The following GLI2 variants were observed in gnomAD, a reference collection of about 807,000 sequenced individuals.
The protein encoded by GLI2 is GLI family zinc finger 2.
Under a neutral mutation model 78.9 loss-of-function variants are expected in GLI2, and 22 were observed. That is an observed-to-expected ratio of 0.28 (90% CI 0.20 to 0.40). The LOEUF is 0.40. GLI2 is among the 10% of genes least tolerant of loss of function. The probability of loss-of-function intolerance (pLI) is 1.00; values close to 1 mark genes in which losing one functional copy is unlikely to be tolerated. For missense variants in GLI2, 2,097 were observed against 2,213.2 expected (o/e 0.95, Z 1.05); for synonymous variants, 974 against 963.7 (o/e 1.01, Z -0.20).
At position 120,953,746 on chromosome 2, in the gene GLI2, G is replaced by A. The variant is rs1007011231; in HGVS notation, c.458-1499G>A. On this transcript the variant is annotated intron_variant, in intron 4 of 13. Transcript: ENST00000361492. Reference sequence around the variant, plus strand: ...GGCTCATGCCTGTAATTGGATTTTCGGAGGCCAGGTGGGAGGATCGCTTGA... The same window carrying A: ...GGCTCATGCCTGTAATTGGATTTTCAGAGGCCAGGTGGGAGGATCGCTTGA... 1.0e-3 allele frequency among the ~76,000 whole-genome samples: 154 copies of A among 152,264 alleles called. 1 individual carries two copies. Among genetic ancestry groups the A allele is most frequent in the Non-Finnish European group, 3.8e-4 (26 of 68,016 alleles).
intron 5 of GLI2, among the ~76,000 whole-genome samples, chr2:120,968,261 G>A (rs935294790): frequency 6.6e-5 from 10 of 152,220 alleles, no homozygotes; most frequent in African/African-American, 2.4e-4. Context: ...CCCTTGGGCT[G>A]GAAGATGGAG....
At chr2:120,981,244 C>T (rs280194) in intron 10 of GLI2, among the ~76,000 whole-genome samples, 99,610 of 152,070 alleles carry the variant, frequency 0.66, 33,303 homozygotes, top group Non-Finnish European at 0.74. Context: ...CATGTGATTA[C>T]GCAGTTGTCT....
chr2:120,809,597 G>A (rs767429436), intron 2 of GLI2, among the ~76,000 whole-genome samples: 1 of 152,124 alleles, frequency 6.6e-6, no homozygotes, highest in Non-Finnish European at 1.5e-5. Context: ...AGGAAGTGCG[G>A]GGGAGGGAGG....
intron 3 of GLI2, among the ~76,000 whole-genome samples, chr2:120,937,600 C>T (rs1573634081): frequency 6.6e-6 from 1 of 152,204 alleles, no homozygotes; most frequent in Admixed American, 6.5e-5. Flanking sequence ...CCAACCCCAC[C>T]CACTGGGGGC....
intron 2 of GLI2, among the ~76,000 whole-genome samples, chr2:120,803,148 A>G (rs1684780269): frequency 6.6e-6 from 1 of 152,230 alleles, no homozygotes; most frequent in Non-Finnish European, 1.5e-5. Context: ...CACTTCCTGG[A>G]TAGTAGCTGT....
intron 1 of GLI2, among the ~76,000 whole-genome samples, chr2:120,738,196 C>T (rs947894117): frequency 6.6e-6 from 1 of 152,204 alleles, no homozygotes; most frequent in Non-Finnish European, 1.5e-5. Flanking sequence ...TCTGGTCTGT[C>T]CTGGGGCAGT....
At chr2:120,852,516 AGT>A (rs1286763586) in intron 2 of GLI2, among the ~76,000 whole-genome samples, 5 of 152,096 alleles carry the variant, frequency 3.3e-5, no homozygotes, top group Non-Finnish European at 7.4e-5. Flanking sequence ...CTGAGGGACG[AGT>A]GTGTTTCTGA....
intron 7 of GLI2, 25 bp from the exon 8 acceptor site, chr2:120,971,916 G>C: frequency 6.2e-7 from 1 of 1,612,798 alleles, no homozygotes; most frequent in Non-Finnish European, 8.5e-7. Flanking sequence ...CTGAGTAACA[G>C]ACTGTCCTCT....
At chr2:120,840,790 T>C (rs1377591784) in intron 2 of GLI2, among the ~76,000 whole-genome samples, 3 of 152,190 alleles carry the variant, frequency 2.0e-5, no homozygotes, top group Non-Finnish European at 4.4e-5. Flanking sequence ...AGCGATCCCA[T>C]GGCCTTTGCA....
intron 2 of GLI2, among the ~76,000 whole-genome samples, chr2:120,896,507 A>G (rs1184371794): frequency 6.6e-6 from 1 of 151,834 alleles, no homozygotes; most frequent in Admixed American, 6.6e-5. Context: ...GAAGGGTGAA[A>G]CTCTGAAGGC....
At chr2:120,896,456 TG>T (rs58730327) in intron 2 of GLI2, among the ~76,000 whole-genome samples, 10 of 151,810 alleles carry the variant, frequency 6.6e-5, no homozygotes, top group Non-Finnish European at 1.2e-4. Context: ...CAAGCTGGGG[TG>T]GGGGGGTATT....
intron 2 of GLI2, among the ~76,000 whole-genome samples, chr2:120,913,182 G>A (rs941083710): frequency 1.3e-5 from 2 of 152,156 alleles, no homozygotes; most frequent in African/African-American, 2.4e-5. Flanking sequence ...CTAGAATTCT[G>A]AAGCAGTGGA....
chr2:120,976,883 C>T (rs1191134740), intron 9 of GLI2, among the ~76,000 whole-genome samples: 5 of 152,312 alleles, frequency 3.3e-5, no homozygotes, highest in African/African-American at 4.8e-5. Flanking sequence ...GGCGCACAGG[C>T]GAGCTGGAGC....
At position 120,786,179 on chromosome 2, in the gene GLI2, G is replaced by A. The variant is rs111955776; in HGVS notation, c.-30-11112G>A. Among the ~76,000 whole-genome samples, 13 of 152,332 alleles carry A rather than the reference G, an allele frequency of 8.5e-5. 2 individuals are homozygous for A. Among genetic ancestry groups the A allele is most frequent in the African/African-American group, 2.6e-4 (11 of 41,572 alleles). ...GTCTCAGCGAGTGTCAGAGCCCATC[G>A]CCAGGTTCTGAGGAGCAGTGTGATG... On this transcript the variant is annotated intron_variant, in intron 1 of 13. Coordinates refer to ENST00000361492, the MANE Select transcript of GLI2 (RefSeq NM_001374353.1).
In GLI2 at chr2:120,927,403, T is replaced by C; in HGVS notation, c.191T>C (p.Ile64Thr). 1 of 1,614,090 alleles carries C rather than the reference T, an allele frequency of 6.2e-7. No individual in the cohort carries two copies. The highest frequency in any genetic ancestry group is 8.5e-7 in the Non-Finnish European group (1 of 1,179,950). The change falls in exon 3 of 14, where the codon ATT becomes ACT. Residue 64 changes from isoleucine (I) to threonine (T), a missense_variant. This residue lies in a region of GLI2 where 578 missense variants were observed against 612.0 expected (regional missense o/e 0.94). Coordinates refer to ENST00000361492, the MANE Select transcript of GLI2 (RefSeq NM_001374353.1). The stretch of plus-strand genomic sequence containing the variant: ...CCACCATTCCATGCGCCCCTACCGA[T>C]TGACATGCGACACCAGGAAGGAAGG... Reference protein sequence around the residue: ...LLPPFHAPLPIDMRHQEGRYH... With the variant: ...LLPPFHAPLPTDMRHQEGRYH...
chr2:120,928,258 T>G (rs1054015428), intron 3 of GLI2, among the ~76,000 whole-genome samples: 1 of 151,976 alleles, frequency 6.6e-6, no homozygotes, highest in African/African-American at 2.4e-5. Context: ...TCCAGCCCCC[T>G]CACCTGTTCA....
intron 2 of GLI2, among the ~76,000 whole-genome samples, chr2:120,853,973 G>A (rs1687526323): frequency 6.6e-6 from 1 of 152,158 alleles, no homozygotes; most frequent in Non-Finnish European, 1.5e-5. Context: ...ATGGTGGCCT[G>A]TGGCTCCCCC....
Position 120,974,952 on chromosome 2 carries a change from G to A in GLI2, c.1183-23G>A, listed in dbSNP as rs1193676979. 4 of 1,614,104 alleles carry A rather than the reference G, an allele frequency of 2.5e-6. No individual in the cohort carries two copies. In the East Asian group the frequency reaches 8.9e-5, roughly 36 times the overall value. On this transcript the variant is annotated intron_variant, in intron 8 of 13. Transcript: ENST00000361492. ...CAGGTGTCTGGACACGGCTCATGTG[G>A]GTGTGCCCTTCCCCTCTCCCAGGAG...
chr2:120,916,148 C>T (rs1444669581), intron 2 of GLI2, among the ~76,000 whole-genome samples: 1 of 152,240 alleles, frequency 6.6e-6, no homozygotes, highest in African/African-American at 2.4e-5. Context: ...GAGGCAGGAG[C>T]TCTGGCAACA....
Sources: allele counts gnomAD v4.1 joint callset (sites outside exome capture counted in the v4.1 genomes callset), GRCh38; gene constraint gnomAD v4.1.1; regional missense constraint gnomAD v4.1.1; transcripts MANE v1.5; gene names NCBI Gene and HGNC (gene_info 2026-07-23, HGNC 2026-07-21).